EYS: variants seen among roughly 807,000 people sequenced by gnomAD.
The protein encoded by EYS is protein eyes shut homolog.
EYS carries 250 observed loss-of-function variants against 282.1 expected under a neutral mutation model. The observed-to-expected ratio is 0.89, with a 90% CI of 0.80 to 0.98. The LOEUF (loss-of-function observed/expected upper bound fraction) is 0.98. Among genes scored for constraint, EYS ranks in the 50% least tolerant of loss-of-function variants. EYS has a pLI of 0.00. For missense variants in EYS, 4,016 were observed against 3,709.0 expected (o/e 1.08, Z -2.15); for synonymous variants, 1,355 against 1,282.9 (o/e 1.06, Z -1.20).
intron 2 of EYS, among the ~76,000 whole-genome samples, chr6:65,614,422 T>C (rs1177338688): frequency 6.6e-6 from 1 of 152,036 alleles, no homozygotes; most frequent in Non-Finnish European, 1.5e-5. Flanking sequence ...TCCAGAAAAG[T>C]TCACCACCTA....
intron 35 of EYS, among the ~76,000 whole-genome samples, chr6:63,907,863 T>A (rs1198611274): frequency 6.6e-6 from 1 of 151,908 alleles, no homozygotes; most frequent in Non-Finnish European, 1.5e-5. Context: ...AGTGAGAACA[T>A]GTAATATTTG....
At chr6:65,374,662 T>A (rs1336652633) in intron 8 of EYS, among the ~76,000 whole-genome samples, 1 of 152,106 alleles carries the variant, frequency 6.6e-6, no homozygotes, top group African/African-American at 2.4e-5. Context: ...CTTGAAATTC[T>A]CACTGCCATC....
intron 19 of EYS, among the ~76,000 whole-genome samples, chr6:64,833,534 A>G (rs1310751199): frequency 1.3e-5 from 2 of 151,930 alleles, no homozygotes; most frequent in Non-Finnish European, 1.5e-5. Context: ...GCATAGAAAC[A>G]TGAGGTTATA....
rs1770303883 is a variant in EYS, at chr6:65,344,107, A to G, written c.1530T>C (p.Asp510=). ...YFFLAANCTE[D]ATYVNDPEDN... ...CTTCAGGATCGTTCACATAGGTTGC[A>G]TCTTCAGTGCAGTTTGCAGCCAGAA... Residue 510 remains aspartate (D), a synonymous_variant, in exon 10 of 43, where the codon GAT becomes GAC. Coordinates refer to ENST00000503581, the MANE Select transcript of EYS (RefSeq NM_001142800.2). 3.1e-6 allele frequency: 5 copies of G among 1,610,888 alleles called. No homozygotes were observed. The highest frequency in any genetic ancestry group is 2.7e-5 in the African/African-American group (2 of 74,820).
At chr6:64,829,340 A>T (rs944608401) in intron 19 of EYS, among the ~76,000 whole-genome samples, 8 of 152,006 alleles carry the variant, frequency 5.3e-5, no homozygotes, top group Admixed American at 4.6e-4. Flanking sequence ...GCATGGACCC[A>T]ATGTATGGGC....
chr6:64,375,025 C>T (rs770253924), intron 29 of EYS, among the ~76,000 whole-genome samples: 3 of 152,156 alleles, frequency 2.0e-5, no homozygotes, highest in Non-Finnish European at 4.4e-5. Context: ...TAAGTTATAT[C>T]TGTTATTTTT....
In EYS at chr6:64,912,512, G is replaced by A. The variant is rs192059823; in HGVS notation, c.2613C>T (p.Asp871=). 5,627 of 1,550,984 alleles carry A rather than the reference G, an allele frequency of 3.6e-3. 18 individuals carry two copies. The highest frequency in any genetic ancestry group is 4.4e-3 in the Non-Finnish European group (5,051 of 1,146,492). The part of the protein sequence containing the change: ...RNNSTCLALV[D]ANQHCICREE... ...CTCTACAAATACAATGCTGATTTGC[G>A]TCTACCAAAGCTAAGCATGTTGAGT... The change falls in exon 16 of 43, where the codon GAC becomes GAT. Residue 871 remains aspartate (D), a synonymous_variant. Transcript: ENST00000503581.
intron 33 of EYS, among the ~76,000 whole-genome samples, chr6:64,052,017 A>G (rs1419002711): frequency 1.3e-5 from 2 of 152,186 alleles, no homozygotes; most frequent in African/African-American, 4.8e-5. Flanking sequence ...CTTCTCAGGC[A>G]TGAAGTTTCT....
At chr6:65,355,931 G>T (rs755225928) in intron 8 of EYS, among the ~76,000 whole-genome samples, 1 of 152,002 alleles carries the variant, frequency 6.6e-6, no homozygotes, top group African/African-American at 2.4e-5. Context: ...ATTTCTCAGA[G>T]AACTAAAAAC....
chr6:65,114,278 AC>A (rs993316881), intron 12 of EYS, among the ~76,000 whole-genome samples: 2 of 151,290 alleles, frequency 1.3e-5, no homozygotes, highest in African/African-American at 4.8e-5. Flanking sequence ...ATGAAATAAA[AC>A]AAACTATATT....
chr6:64,518,703 T>C (rs1239462475), intron 26 of EYS, among the ~76,000 whole-genome samples: 1 of 151,424 alleles, frequency 6.6e-6, no homozygotes, highest in Non-Finnish European at 1.5e-5. Flanking sequence ...GTAGAGATAA[T>C]TGAATCATGT....
At chr6:64,745,908 T>C (rs565790294) in intron 22 of EYS, among the ~76,000 whole-genome samples, 24 of 152,110 alleles carry the variant, frequency 1.6e-4, no homozygotes, top group Non-Finnish European at 3.5e-4. Context: ...TTCCATTTCA[T>C]TGCAAGCATC....
chr6:64,308,290 C>T (rs1769536064), intron 29 of EYS, among the ~76,000 whole-genome samples: 1 of 151,890 alleles, frequency 6.6e-6, no homozygotes, highest in African/African-American at 2.4e-5. Flanking sequence ...GGTCCAAGAA[C>T]AAGAAGAGAA....
At chr6:65,039,245 C>G (rs1772859499) in intron 13 of EYS, among the ~76,000 whole-genome samples, 1 of 151,448 alleles carries the variant, frequency 6.6e-6, no homozygotes. Context: ...ACCATTTCCA[C>G]CATCATTTTT....
chr6:64,079,036 T>TA (rs1273932463), intron 32 of EYS, among the ~76,000 whole-genome samples: 1 of 152,100 alleles, frequency 6.6e-6, no homozygotes, highest in Non-Finnish European at 1.5e-5. Context: ...CTATATAACT[T>TA]AAAAAATTGC....
At chr6:65,605,628 T>C (rs746132200) in intron 2 of EYS, among the ~76,000 whole-genome samples, 1 of 151,926 alleles carries the variant, frequency 6.6e-6, no homozygotes, top group South Asian at 2.1e-4. Flanking sequence ...ATTGAAAGTA[T>C]ATAACATACA....
intron 28 of EYS, among the ~76,000 whole-genome samples, chr6:64,435,025 G>A (rs1774692084): frequency 6.6e-6 from 1 of 151,968 alleles, no homozygotes; most frequent in Middle Eastern, 3.4e-3. Context: ...CCCTGCCCAG[G>A]GAAATTATTA....
At chr6:65,338,925 G>C (rs1306663285) in intron 10 of EYS, among the ~76,000 whole-genome samples, 1 of 151,060 alleles carries the variant, frequency 6.6e-6, no homozygotes, top group Non-Finnish European at 1.5e-5. Flanking sequence ...AACAACTCTA[G>C]TTAAATAATG....
At chr6:64,650,288 T>C (rs1402147873) in intron 22 of EYS, among the ~76,000 whole-genome samples, 2 of 151,792 alleles carry the variant, frequency 1.3e-5, no homozygotes, top group Non-Finnish European at 2.9e-5. Context: ...ATGAATAAAA[T>C]AAGAATTAAA....
Sources: allele counts gnomAD v4.1 joint callset (sites outside exome capture counted in the v4.1 genomes callset), GRCh38; gene constraint gnomAD v4.1.1; transcripts MANE v1.5; gene names NCBI Gene and HGNC (gene_info 2026-07-23, HGNC 2026-07-21).